ULK4: variants seen among roughly 807,000 people sequenced by gnomAD.
The protein encoded by ULK4 is inactive serine/threonine-protein kinase ULK4.
In ULK4, 133 loss-of-function variants were observed where a neutral mutation model predicts 160.6. That is an observed-to-expected ratio of 0.83 (90% confidence interval 0.72 to 0.96). The LOEUF is 0.96. Ranked by LOEUF, ULK4 falls within the 40% of genes least tolerant of loss-of-function variation. ULK4 has a pLI of 0.00. For missense variants in ULK4, 1,580 were observed against 1,499.5 expected, an observed-to-expected ratio of 1.05 and a Z score of -0.89; for synonymous variants, 534 against 539.8, an observed-to-expected ratio of 0.99 and a Z score of 0.15.
rs1309295031 is a variant in ULK4, at chr3:41,717,746, C to T, written c.2437G>A (p.Glu813Lys). The change falls in exon 23 of 37, where the codon GAG (glutamate) becomes AAG (lysine). Residue 813 changes from glutamate to lysine, a missense_variant. Glu to Lys is a moderately conservative substitution (Grantham distance 56, BLOSUM62 1). Transcript: ENST00000301831. ...AATTTACCCAGGATTCGTGGCAGCT[C>T]CTGCACAATGTGACAGATGAGAAGA... is the stretch of plus-strand genomic sequence containing the variant. ...LDLLICHIVQ[E>K]LPRILGDILN... The T allele has an allele frequency of 3.1e-6, 5 of 1,613,808 alleles. No individual in the cohort carries two copies. The highest frequency in any genetic ancestry group is 4.2e-6 in the Non-Finnish European group (5 of 1,179,894).
chr3:41,284,898 GA>G (rs2079428646), intron 35 of ULK4, among the ~76,000 whole-genome samples: 2 of 151,710 alleles, frequency 1.3e-5, no homozygotes, highest in African/African-American at 2.4e-5. Context: ...AAATCAGTAT[GA>G]AAAAAAGAAA....
chr3:41,899,284 G>A (rs1698271531), intron 13 of ULK4: 2 of 152,210 alleles, frequency 1.3e-5, no homozygotes, highest in African/African-American at 4.8e-5. Context: ...CCCAGGTTTT[G>A]CTAACTATAC....
chr3:41,757,720 C>T (rs1334879452), intron 21 of ULK4, among the ~76,000 whole-genome samples: 1 of 151,818 alleles, frequency 6.6e-6, no homozygotes, highest in Admixed American at 6.6e-5. Context: ...TGTAACCTCC[C>T]CTTCCTGGGT....
At chr3:41,638,670 T>C (rs1463428828) in intron 30 of ULK4, among the ~76,000 whole-genome samples, 1 of 152,244 alleles carries the variant, frequency 6.6e-6, no homozygotes, top group African/African-American at 2.4e-5. Context: ...ATTACATGGC[T>C]AAAGCCACAT....
chr3:41,721,789 AACAG>A (rs2037480355), intron 22 of ULK4, among the ~76,000 whole-genome samples: 1 of 152,168 alleles, frequency 6.6e-6, no homozygotes, highest in African/African-American at 2.4e-5. Flanking sequence ...GTGCAAGGCA[AACAG>A]ACAGCCCGAT....
At chr3:41,694,853 G>A (rs2036434065) in intron 27 of ULK4, among the ~76,000 whole-genome samples, 1 of 152,122 alleles carries the variant, frequency 6.6e-6, no homozygotes, top group Non-Finnish European at 1.5e-5. Context: ...ATCCAAGGAT[G>A]TGGAACCTGT....
chr3:41,646,037 T>C (rs1171454776), intron 30 of ULK4, among the ~76,000 whole-genome samples: 8 of 152,200 alleles, frequency 5.3e-5, no homozygotes, highest in Non-Finnish European at 7.4e-5. Context: ...TTGTTTTCCA[T>C]TTGCCTGGTA....
intron 35 of ULK4, among the ~76,000 whole-genome samples, chr3:41,288,727 C>T (rs1367231797): frequency 6.6e-6 from 1 of 152,142 alleles, no homozygotes; most frequent in African/African-American, 2.4e-5. Flanking sequence ...ATACATAACC[C>T]TAAGAATACT....
At chr3:41,906,160 T>G (rs991409671) in intron 12 of ULK4, among the ~76,000 whole-genome samples, 3 of 132,606 alleles carry the variant, frequency 2.3e-5, no homozygotes. Context: ...GAGCTTGCAG[T>G]GAGCCGAGAT....
chr3:41,346,414 A>G (rs532962384), intron 35 of ULK4, among the ~76,000 whole-genome samples: 1 of 152,132 alleles, frequency 6.6e-6, no homozygotes, highest in Non-Finnish European at 1.5e-5. Context: ...AACAATATCA[A>G]TGCTATCCTT....
At chr3:41,638,472 G>A (rs1210737265) in intron 30 of ULK4, among the ~76,000 whole-genome samples, 1 of 152,204 alleles carries the variant, frequency 6.6e-6, no homozygotes, top group Non-Finnish European at 1.5e-5. Context: ...AAGTGTCACC[G>A]AGGCATTGGC....
At position 41,420,780 on chromosome 3, in the gene ULK4, C is replaced by T. The variant is rs116430673; in HGVS notation, c.3493-22516G>A. Reference sequence around the variant, plus strand: ...AATTACAGGTGTGAGCCACCGTGCCCGGCCTGGTTCTTTCAATTTAATGTC... The same window carrying T: ...AATTACAGGTGTGAGCCACCGTGCCTGGCCTGGTTCTTTCAATTTAATGTC... On this transcript the variant is annotated intron_variant, in intron 34 of 36. Coordinates refer to ENST00000301831, the MANE Select transcript of ULK4 (RefSeq NM_017886.4). 4.6e-3 allele frequency among the ~76,000 whole-genome samples: 696 copies of T among 150,720 alleles called. 7 individuals carry two copies. Among genetic ancestry groups the T allele is most frequent in the African/African-American group, 0.016 (672 of 40,928 alleles).
chr3:41,405,123 C>A (rs762612749), intron 34 of ULK4, among the ~76,000 whole-genome samples: 1 of 152,026 alleles, frequency 6.6e-6, no homozygotes, highest in Non-Finnish European at 1.5e-5. Flanking sequence ...ACTCTTGCCA[C>A]CCTCTCTTTC....
rs182608189 is a variant in ULK4 at position 41,536,467 on chromosome 3, C to T, written c.3226+29558G>A. 7.9e-5 allele frequency among the ~76,000 whole-genome samples: 12 copies of T among 152,198 alleles called. 1 individual carries two copies. Among genetic ancestry groups the T allele is most frequent in the African/African-American group, 2.6e-4 (11 of 41,528 alleles). ...CCCTCCACACCCCCCAGTTAAAAAT[C>T]CACTTACAACTTTTGACTCCCCCAA... On this transcript the variant is annotated intron_variant, in intron 32 of 36. Transcript: ENST00000301831.
At chr3:41,444,537 G>C (rs2083251267) in intron 34 of ULK4, among the ~76,000 whole-genome samples, 1 of 151,934 alleles carries the variant, frequency 6.6e-6, no homozygotes, top group Non-Finnish European at 1.5e-5. Flanking sequence ...CTAAAATTCT[G>C]GTGTGTTTTT....
chr3:41,738,805 C>G (rs1302996583), intron 22 of ULK4, among the ~76,000 whole-genome samples: 1 of 151,908 alleles, frequency 6.6e-6, no homozygotes, highest in African/African-American at 2.4e-5. Flanking sequence ...ATGTGTGCCT[C>G]TCATTATCTG....
intron 21 of ULK4, among the ~76,000 whole-genome samples, chr3:41,760,685 T>C (rs1423236664): frequency 6.6e-6 from 1 of 152,212 alleles, no homozygotes; most frequent in Admixed American, 6.5e-5. Flanking sequence ...AAGGTGTATA[T>C]GAAACATAAA....
In ULK4 at chr3:41,831,531, A is replaced by ATATAAATTT; in HGVS notation, c.1764+4332_1764+4333insAAATTTATA. On this transcript the variant is annotated intron_variant, in intron 18 of 36. Coordinates refer to ENST00000301831, the MANE Select transcript of ULK4 (RefSeq NM_017886.4). ...TTATTGTTATTTTATATATATATATATTTTTTTTTCTTTCTTAAACTTTAG... is the reference window on the plus strand; with the variant it reads ...TTATTGTTATTTTATATATATATATATATAAATTTTTTTTTTTTCTTTCTTAAACTTTAG... 1.6e-3 allele frequency among the ~76,000 whole-genome samples: 225 copies of ATATAAATTT among 138,122 alleles called. 4 individuals carry two copies. Among genetic ancestry groups the ATATAAATTT allele is most frequent in the African/African-American group, 6.3e-3 (221 of 35,266 alleles). 90.6% of individuals were successfully genotyped at this position (138,122 alleles called of 152,430 possible). A position where few individuals can be genotyped will look rare whatever the true frequency, so the allele number is the denominator to read the frequency against.
At chr3:41,716,032 T>C (rs2037253534) in intron 23 of ULK4, among the ~76,000 whole-genome samples, 2 of 151,320 alleles carry the variant, frequency 1.3e-5, no homozygotes, top group South Asian at 2.1e-4. Flanking sequence ...GCCAAAATAG[T>C]GAAACCCCAT....
Sources: allele counts gnomAD v4.1 joint callset (sites outside exome capture counted in the v4.1 genomes callset), GRCh38; gene constraint gnomAD v4.1.1; transcripts MANE v1.5; gene names NCBI Gene and HGNC (gene_info 2026-07-23, HGNC 2026-07-21).